The following SCTR variants were observed in gnomAD, a reference collection of about 807,000 sequenced individuals.
The protein encoded by SCTR is pancreatic secretin receptor.
A neutral mutation model predicts 60.8 loss-of-function variants in SCTR; 56 were observed. The observed-to-expected ratio is 0.92, with a 90% CI of 0.74 to 1.15. SCTR has a LOEUF of 1.15. Ranked by LOEUF, SCTR falls within the 50% of genes most tolerant of loss-of-function variation. SCTR has a pLI of 0.00. For synonymous variants in SCTR, 202 were observed against 217.0 expected (o/e 0.93, Z 0.61); for missense variants, 562 against 550.4 (o/e 1.02, Z -0.21).
At chr2:119,499,681 C>A (rs1037697846) in intron 1 of SCTR, among the ~76,000 whole-genome samples, 2 of 151,992 alleles carry the variant, frequency 1.3e-5, no homozygotes, top group Non-Finnish European at 2.9e-5. Context: ...AGAAAAATCA[C>A]ATGATCATAT....
chr2:119,485,390 G>C (rs922807972), intron 2 of SCTR, among the ~76,000 whole-genome samples: 1 of 152,240 alleles, frequency 6.6e-6, no homozygotes, highest in Non-Finnish European at 1.5e-5. Context: ...CCAGAGGCAG[G>C]TCTGGGTGGG....
chr2:119,454,784 G>A (rs1289797460), intron 7 of SCTR, among the ~76,000 whole-genome samples: 1 of 151,980 alleles, frequency 6.6e-6, no homozygotes, highest in East Asian at 1.9e-4. Flanking sequence ...AACCCGGGAG[G>A]CGGAGGTTGC....
intron 7 of SCTR, among the ~76,000 whole-genome samples, chr2:119,458,287 CAA>C (rs1573816917): frequency 7.4e-6 from 1 of 135,882 alleles, no homozygotes; most frequent in East Asian, 2.2e-4. Context: ...GCCTGGGTGA[CAA>C]AGAGAGACCC....
At position 119,444,164 on chromosome 2, in the gene SCTR, C is replaced by T. The variant is rs187066343; in HGVS notation, c.1141-2565G>A. Reference sequence around the variant, plus strand: ...ATATACATATTCTTATATATATATACACATATGTATATATACATATGAATA... The same window carrying T: ...ATATACATATTCTTATATATATATATACATATGTATATATACATATGAATA... On this transcript the variant is annotated intron_variant, in intron 11 of 12. Coordinates refer to ENST00000019103, the MANE Select transcript of SCTR (RefSeq NM_002980.3). Among the ~76,000 whole-genome samples, 65 of 140,158 alleles carry T rather than the reference C, an allele frequency of 4.6e-4. No homozygotes were observed. In the East Asian group the frequency reaches 0.013, roughly 28 times the overall value. The allele number at this position is 140,158 out of a possible 152,430, so 91.9% of individuals were successfully genotyped here. A position where few individuals can be genotyped will look rare whatever the true frequency, so the allele number is the denominator to read the frequency against.
chr2:119,482,193 C>G (rs1026840860), intron 2 of SCTR, among the ~76,000 whole-genome samples: 16 of 152,152 alleles, frequency 1.1e-4, no homozygotes, highest in African/African-American at 3.4e-4. Context: ...TGGAGAGGGA[C>G]AGAAGGGGTA....
intron 10 of SCTR, among the ~76,000 whole-genome samples, chr2:119,447,248 A>T (rs1682969336): frequency 6.6e-6 from 1 of 152,140 alleles, no homozygotes; most frequent in South Asian, 2.1e-4. Context: ...CATTTGCTAG[A>T]TAATAAATAT....
intron 4 of SCTR, among the ~76,000 whole-genome samples, chr2:119,466,916 A>G (rs747662463): frequency 1.3e-5 from 2 of 152,186 alleles, no homozygotes; most frequent in Non-Finnish European, 2.9e-5. Context: ...AAAGCTCCAG[A>G]TGCATTCTCT....
At position 119,508,383 on chromosome 2, in the gene SCTR, C is replaced by CTT. The variant is rs34070844; in HGVS notation, c.73-13837_73-13836dup. 5.9e-3 allele frequency among the ~76,000 whole-genome samples: 459 copies of CTT among 77,402 alleles called. 1 individual carries two copies. The highest frequency in any genetic ancestry group is 7.2e-3 in the Non-Finnish European group (315 of 43,796). The allele number at this position is 77,402 out of a possible 152,430, so 50.8% of individuals were successfully genotyped here. A position where few individuals can be genotyped will look rare whatever the true frequency, so the allele number is the denominator to read the frequency against. On this transcript the variant is annotated intron_variant, in intron 1 of 12. Transcript: ENST00000019103. ...CTTTCTTTTTCTTCTTCTTCTTCTT[C>CTT]TTTTTTTTTTTTTTTTTTTTTTTTT...
At chr2:119,480,025 A>G (rs1347402782) in intron 2 of SCTR, 1 of 152,258 alleles carries the variant, frequency 6.6e-6, no homozygotes, top group Non-Finnish European at 1.5e-5. Context: ...TGTAAGTTCT[A>G]GATGATTGGT....
At chr2:119,522,566 C>T (rs1484292884) in intron 1 of SCTR, among the ~76,000 whole-genome samples, 1 of 152,176 alleles carries the variant, frequency 6.6e-6, no homozygotes, top group Non-Finnish European at 1.5e-5. Flanking sequence ...ACACTGAAGA[C>T]TTAAACCAAG....
At chr2:119,442,362 C>T (rs1307519722) in intron 11 of SCTR, among the ~76,000 whole-genome samples, 1 of 152,192 alleles carries the variant, frequency 6.6e-6, no homozygotes, top group African/African-American at 2.4e-5. Context: ...GCGCATTCAC[C>T]CTGCTCCTCT....
Position 119,464,252 on chromosome 2 carries a change from C to A in SCTR, c.507G>T (p.Arg169Ser). ...VALGILCAFR[R>S]LHCTRNYIHM... is the part of the protein sequence containing the mutation. ...GGATGTAGTTGCGAGTGCAGTGGAG[C>A]CTCCTGCAGGGAGAGAATGTAGGGA... The change falls in exon 6 of 13, where the codon AGG (arginine) becomes AGT (serine). Residue 169 changes from arginine (R) to serine (S), a missense_variant. Physicochemically the swap from Arg to Ser is moderately radical, Grantham distance 110 (BLOSUM62 -1). Transcript: ENST00000019103. The A allele has an allele frequency of 6.2e-7, 1 of 1,614,088 alleles. No individual in the cohort carries two copies. Among genetic ancestry groups the A allele is most frequent in the Non-Finnish European group, 8.5e-7 (1 of 1,180,002 alleles).
At chr2:119,508,383 C>CTTCTTTTTTTTTTTTT (rs1678823151) in intron 1 of SCTR, among the ~76,000 whole-genome samples, 1 of 77,374 alleles carries the variant, frequency 1.3e-5, no homozygotes, top group Non-Finnish European at 2.3e-5. Flanking sequence ...TCTTCTTCTT[C>CTTCTTTTTTTTTTTTT]TTTTTTTTTT....
intron 9 of SCTR, among the ~76,000 whole-genome samples, chr2:119,449,226 T>C (rs1217065689): frequency 2.6e-5 from 4 of 152,176 alleles, no homozygotes; most frequent in Non-Finnish European, 5.9e-5. Flanking sequence ...CCACAGGTTA[T>C]GGTTCAGTAA....
intron 3 of SCTR, 56 bp from the exon 4 acceptor site, chr2:119,473,612 AT>A (rs1677126669): frequency 4.7e-6 from 5 of 1,058,506 alleles, no homozygotes; most frequent in Non-Finnish European, 7.4e-6. Context: ...TGTGATTTTC[AT>A]AGTAACATCT....
intron 1 of SCTR, 68 bp downstream of exon 1, chr2:119,524,087 G>T (rs1016134985): frequency 7.7e-7 from 1 of 1,293,660 alleles, no homozygotes; most frequent in South Asian, 1.3e-5. Context: ...CATCCTGCCC[G>T]AGGCCGGAGA....
intron 1 of SCTR, among the ~76,000 whole-genome samples, chr2:119,518,611 C>T (rs1679186285): frequency 6.6e-6 from 1 of 152,148 alleles, no homozygotes. Context: ...TGCTGAGCAG[C>T]CTTCTGTTTG....
chr2:119,464,081 C>T (rs1020349964), intron 6 of SCTR, 42 bp downstream of exon 6: 7 of 1,610,400 alleles, frequency 4.3e-6, no homozygotes, highest in Non-Finnish European at 5.9e-6. Context: ...CTGGGGAAGG[C>T]AGGCGGGCCT....
At chr2:119,510,107 A>T (rs1837326) in intron 1 of SCTR, among the ~76,000 whole-genome samples, 147,353 of 151,744 alleles carry the variant, frequency 0.97, 71,582 homozygotes, top group East Asian at 1. Context: ...CTACATTAGG[A>T]ATTTCTCCTT....
Sources: gnomAD v4.1 joint callset for allele counts (sites outside exome capture counted in the v4.1 genomes callset) on GRCh38, gnomAD v4.1.1 for gene constraint, MANE v1.5 for transcripts, NCBI Gene and HGNC (gene_info 2026-07-23, HGNC 2026-07-21) for gene names.